The following RUNX1T1 variants were observed in gnomAD, a reference collection of about 807,000 sequenced individuals.
RUNX1T1 encodes RUNX1 partner transcriptional co-repressor 1.
Under a neutral mutation model 62.8 loss-of-function variants are expected in RUNX1T1, and 4 were observed. The ratio of observed to expected loss-of-function variants is 0.06; its 90% CI spans 0.03 to 0.15. The LOEUF (loss-of-function observed/expected upper bound fraction) is 0.15. Among genes scored for constraint, RUNX1T1 ranks in the 10% least tolerant of loss-of-function variants. The pLI is 1.00. For synonymous variants in RUNX1T1, 291 were observed against 286.0 expected, an observed-to-expected ratio of 1.02 and a Z score of -0.18; for missense variants, 508 against 754.3, an observed-to-expected ratio of 0.67 and a Z score of 3.82.
intron 1 of RUNX1T1, among the ~76,000 whole-genome samples, chr8:92,079,227 T>G (rs1008022906): frequency 2.0e-5 from 3 of 152,236 alleles, no homozygotes; most frequent in Admixed American, 1.3e-4. Flanking sequence ...AACTCTTTTC[T>G]TTTCCTTCAT....
chr8:92,041,382 G>A (rs530851535), intron 1 of RUNX1T1, among the ~76,000 whole-genome samples: 1 of 152,290 alleles, frequency 6.6e-6, no homozygotes, highest in East Asian at 1.9e-4. Context: ...TTGCTACTTG[G>A]CACATAGTAG....
chr8:92,066,516 G>A (rs993259353), upstream of RUNX1T1, among the ~76,000 whole-genome samples: 1 of 152,182 alleles, frequency 6.6e-6, no homozygotes, highest in African/African-American at 2.4e-5. Context: ...GCATCCCACT[G>A]ATAAGGCAAA....
intron 1 of RUNX1T1, among the ~76,000 whole-genome samples, chr8:92,097,145 T>A (rs1837813317): frequency 6.6e-6 from 1 of 152,150 alleles, no homozygotes; most frequent in African/African-American, 2.4e-5. Flanking sequence ...GCCACAATCC[T>A]CCAGTAATCC....
intron 1 of RUNX1T1, among the ~76,000 whole-genome samples, chr8:92,077,807 T>C (rs1834653230): frequency 6.6e-6 from 1 of 152,080 alleles, no homozygotes; most frequent in East Asian, 1.9e-4. Context: ...ATATCTTCCT[T>C]CTCATGACTG....
At chr8:92,043,569 A>G (rs187352146) in intron 1 of RUNX1T1, among the ~76,000 whole-genome samples, 1 of 152,272 alleles carries the variant, frequency 6.6e-6, no homozygotes, top group African/African-American at 2.4e-5. Context: ...CTTTTATAGT[A>G]ACAAACATAC....
chr8:92,066,238 A>G (rs1832854329), upstream of RUNX1T1, among the ~76,000 whole-genome samples: 2 of 152,208 alleles, frequency 1.3e-5, no homozygotes, highest in African/African-American at 4.8e-5. Flanking sequence ...CCCTGCTCTT[A>G]GAGGAGACCC....
At chr8:91,974,056 C>G (rs1235527178) in intron 9 of RUNX1T1, among the ~76,000 whole-genome samples, 1 of 151,964 alleles carries the variant, frequency 6.6e-6, no homozygotes, top group Non-Finnish European at 1.5e-5. Flanking sequence ...ACAACAAAAA[C>G]AAGTAGTGCT....
intron 1 of RUNX1T1, among the ~76,000 whole-genome samples, chr8:92,058,074 T>C (rs1831324584): frequency 6.6e-6 from 1 of 152,136 alleles, no homozygotes; most frequent in East Asian, 1.9e-4. Context: ...CCCTGACTCC[T>C]AATCCAGGTG....
chr8:92,093,734 G>T (rs1837379191), intron 1 of RUNX1T1, among the ~76,000 whole-genome samples: 2 of 152,174 alleles, frequency 1.3e-5, no homozygotes, highest in Non-Finnish European at 2.9e-5. Flanking sequence ...TGTCACTCAT[G>T]CAACAAACTG....
intron 1 of RUNX1T1, among the ~76,000 whole-genome samples, chr8:92,047,969 C>A (rs558301780): frequency 1.3e-5 from 2 of 152,190 alleles, no homozygotes; most frequent in East Asian, 1.9e-4. Context: ...GCTGAGTAGT[C>A]CTTTAAGAAA....
chr8:91,993,884 C>T (rs1422292846), intron 5 of RUNX1T1, among the ~76,000 whole-genome samples: 4 of 151,924 alleles, frequency 2.6e-5, no homozygotes, highest in Admixed American at 2.0e-4. Context: ...CTCAGTTGCT[C>T]GGGAGGCTGA....
At chr8:92,038,568 A>G (rs1827845376) in intron 1 of RUNX1T1, among the ~76,000 whole-genome samples, 1 of 152,144 alleles carries the variant, frequency 6.6e-6, no homozygotes, top group African/African-American at 2.4e-5. Flanking sequence ...TTCGAGATTA[A>G]ATGAGCCCAA....
intron 10 of RUNX1T1, among the ~76,000 whole-genome samples, chr8:91,969,499 T>TAAAAC (rs5893186): frequency 0.79 from 120,224 of 151,558 alleles, 47,752 homozygotes; most frequent in East Asian, 0.99. Context: ...ATAAAAAACA[T>TAAAAC]AAAGTCCTTA....
At chr8:91,986,791 C>A in intron 7 of RUNX1T1, 96 bp downstream of exon 8, 1 of 791,390 alleles carries the variant, frequency 1.3e-6, no homozygotes, top group Non-Finnish European at 2.2e-6. Flanking sequence ...AAAAACAATG[C>A]CTTCAAAGGA....
chr8:92,067,902 T>C, upstream of RUNX1T1, among the ~76,000 whole-genome samples: 1 of 152,230 alleles, frequency 6.6e-6, no homozygotes, highest in East Asian at 1.9e-4. Flanking sequence ...TTTTAAAATT[T>C]TTTGAAATGC....
chr8:92,016,851 T>C (rs1587023084), intron 2 of RUNX1T1, among the ~76,000 whole-genome samples: 1 of 152,208 alleles, frequency 6.6e-6, no homozygotes, highest in Non-Finnish European at 1.5e-5. Context: ...GAAATAATAA[T>C]AGCACATTTC....
At chr8:92,103,376 C>A, upstream of RUNX1T1, 1 of 173,134 alleles carries the variant, frequency 5.8e-6, no homozygotes, top group Non-Finnish European at 1.2e-5. Flanking sequence ...GCGCCGAGAG[C>A]GCCCGCATCA....
At chr8:92,100,652 T>C (rs729816), upstream of RUNX1T1, among the ~76,000 whole-genome samples, 1,579 of 152,252 alleles carry the variant, frequency 0.01, 26 homozygotes, top group African/African-American at 0.036. Context: ...CCCTGATTAC[T>C]ATTGGGTGAG....
intron 5 of RUNX1T1, among the ~76,000 whole-genome samples, chr8:91,997,355 T>C (rs1015992141): frequency 1.3e-5 from 2 of 152,044 alleles, no homozygotes; most frequent in African/African-American, 4.8e-5. Context: ...TTCTCTACAT[T>C]AACATTTTTT....
Sources: allele counts gnomAD v4.1 joint callset (sites outside exome capture counted in the v4.1 genomes callset), GRCh38; gene constraint gnomAD v4.1.1; transcripts MANE v1.5; gene names NCBI Gene and HGNC (gene_info 2026-07-23, HGNC 2026-07-21).